Variants in MTHFD2L observed in about 807,000 individuals in gnomAD.
MTHFD2L encodes methylenetetrahydrofolate dehydrogenase (NADP+ dependent) 2 like.
A neutral mutation model predicts 34.9 loss-of-function variants in MTHFD2L; 29 were observed. The ratio of observed to expected loss-of-function variants is 0.83; its 90% CI spans 0.62 to 1.13. MTHFD2L has a LOEUF of 1.13. Ranked by LOEUF, MTHFD2L falls within the 50% of genes most tolerant of loss-of-function variation. The pLI is 0.00. For synonymous variants in MTHFD2L, 167 were observed against 155.7 expected (o/e 1.07, Z -0.54); for missense variants, 481 against 446.5 (o/e 1.08, Z -0.70).
At chr4:74,151,998 T>G (rs1241892436) in intron 1 of MTHFD2L, among the ~76,000 whole-genome samples, 1 of 152,170 alleles carries the variant, frequency 6.6e-6, no homozygotes, top group Non-Finnish European at 1.5e-5. Flanking sequence ...TTTTCCATAT[T>G]TATGTGATAT....
chr4:74,152,268 T>C (rs1173693720), intron 1 of MTHFD2L, among the ~76,000 whole-genome samples: 2 of 152,216 alleles, frequency 1.3e-5, no homozygotes, highest in South Asian at 4.1e-4. Flanking sequence ...TGACTTATCA[T>C]ATTTTGAGGG....
At chr4:74,188,528 G>A (rs867321583) in intron 3 of MTHFD2L, among the ~76,000 whole-genome samples, 27 of 152,122 alleles carry the variant, frequency 1.8e-4, no homozygotes, top group Non-Finnish European at 2.9e-4. Flanking sequence ...ATGAATTTCG[G>A]GGGGACATAA....
intron 5 of MTHFD2L, among the ~76,000 whole-genome samples, chr4:74,217,028 A>G (rs971427320): frequency 6.6e-6 from 1 of 151,808 alleles, no homozygotes; most frequent in Non-Finnish European, 1.5e-5. Flanking sequence ...AAGACCTTAT[A>G]TGATCTGTCC....
upstream of MTHFD2L, among the ~76,000 whole-genome samples, chr4:74,122,389 A>G (rs1198718164): frequency 6.6e-6 from 1 of 152,128 alleles, no homozygotes; most frequent in East Asian, 1.9e-4. Context: ...AGTGCCACAC[A>G]CTTTTACACC....
intron 1 of MTHFD2L, among the ~76,000 whole-genome samples, chr4:74,129,761 C>T (rs185608021): frequency 4.8e-4 from 73 of 151,212 alleles, no homozygotes; most frequent in Non-Finnish European, 9.3e-4. Context: ...GACAGAGACA[C>T]GAAAAACCCT....
chr4:74,138,895 A>C (rs1415198747), intron 1 of MTHFD2L, among the ~76,000 whole-genome samples: 1 of 152,082 alleles, frequency 6.6e-6, no homozygotes, highest in Non-Finnish European at 1.5e-5. Context: ...TATAGATTTG[A>C]CTATTTCTTT....
At chr4:74,206,227 G>A (rs1023126591) in intron 5 of MTHFD2L, among the ~76,000 whole-genome samples, 2 of 152,122 alleles carry the variant, frequency 1.3e-5, no homozygotes, top group African/African-American at 4.8e-5. Flanking sequence ...GGTTTAAAAA[G>A]GGAAAACTTG....
At chr4:74,148,428 C>T (rs1375710595) in intron 1 of MTHFD2L, among the ~76,000 whole-genome samples, 1 of 149,456 alleles carries the variant, frequency 6.7e-6, no homozygotes, top group Non-Finnish European at 1.5e-5. Context: ...TGCTCTGTTG[C>T]CCAGGCTGGA....
At chr4:74,207,569 T>A (rs1021890871) in intron 5 of MTHFD2L, among the ~76,000 whole-genome samples, 17 of 152,318 alleles carry the variant, frequency 1.1e-4, no homozygotes, top group African/African-American at 4.1e-4. Context: ...GATTCATCTT[T>A]GCAGTGGGTG....
chr4:74,175,261 T>C lies in MTHFD2L; in HGVS notation c.329-20T>C. On this transcript the variant is annotated intron_variant, in intron 2 of 7. Coordinates refer to ENST00000325278, the MANE Select transcript of MTHFD2L (RefSeq NM_001144978.3). ...ATATTCAGTTAGTCAAGTGACCTTCTCTACCTGTTTTTCTTCTAGGTATTT... is the reference window on the plus strand; with the variant it reads ...ATATTCAGTTAGTCAAGTGACCTTCCCTACCTGTTTTTCTTCTAGGTATTT... 6.2e-7 allele frequency: 1 copy of C among 1,609,548 alleles called. No homozygotes were observed. Among genetic ancestry groups the C allele is most frequent in the Non-Finnish European group, 8.5e-7 (1 of 1,177,618 alleles).
At chr4:74,272,761 T>C (rs1272113733) in intron 6 of MTHFD2L, among the ~76,000 whole-genome samples, 2 of 152,204 alleles carry the variant, frequency 1.3e-5, no homozygotes, top group Non-Finnish European at 2.9e-5. Context: ...TCTTGTGTTT[T>C]AACTCTTTTA....
rs117785733 is a variant in MTHFD2L at position 74,267,243 on chromosome 4, A to G, written c.806-14182A>G. On this transcript the variant is annotated intron_variant, in intron 6 of 7. Transcript: ENST00000325278. ...CAGTCTCTCCTCATTCCCCAAGTGC[A>G]TTGGTGTCTGTTTGCAGGAAATACA... 9 of 984,878 alleles carry G rather than the reference A, an allele frequency of 9.1e-6. No homozygotes were observed. The East Asian group carries it at 9.1e-4, about 99-fold the overall frequency. 61.0% of individuals were successfully genotyped at this position (984,878 alleles called of 1,614,324 possible).
chr4:74,274,446 G>A (rs1746365457), intron 6 of MTHFD2L, among the ~76,000 whole-genome samples: 1 of 152,126 alleles, frequency 6.6e-6, no homozygotes, highest in Non-Finnish European at 1.5e-5. Context: ...GTAACAGTAG[G>A]AGAGACCAAC....
At chr4:74,203,064 T>A (rs966848974) in intron 5 of MTHFD2L, among the ~76,000 whole-genome samples, 2 of 152,200 alleles carry the variant, frequency 1.3e-5, no homozygotes, top group African/African-American at 4.8e-5. Context: ...TTAACTTATC[T>A]AAAATGATGA....
At chr4:74,177,170 A>T (rs1729212080) in intron 3 of MTHFD2L, among the ~76,000 whole-genome samples, 1 of 151,936 alleles carries the variant, frequency 6.6e-6, no homozygotes. Flanking sequence ...ACTAGAAAAA[A>T]AATTCAACAC....
At chr4:74,140,181 G>A (rs1420334540) in intron 1 of MTHFD2L, among the ~76,000 whole-genome samples, 2 of 151,980 alleles carry the variant, frequency 1.3e-5, no homozygotes, top group African/African-American at 2.4e-5. Context: ...GCACATGCCT[G>A]TAGTCCTAGC....
intron 6 of MTHFD2L, chr4:74,267,640 G>T (rs1745480846): frequency 6.6e-6 from 5 of 761,052 alleles, no homozygotes; most frequent in Non-Finnish European, 8.0e-6. Context: ...TCCCTATGTT[G>T]CCCAGGCTGG....
chr4:74,186,457 A>C lies in MTHFD2L; in HGVS notation c.451+11054A>C, dbSNP rs867923030. ...ATCCATGAAAAAAAAAAAAAAAAAA[A>C]AACAGCTACTAGTACTAATAAGTGA... On this transcript the variant is annotated intron_variant, in intron 3 of 7. Transcript: ENST00000325278. Among the ~76,000 whole-genome samples, 698 of 151,124 alleles carry C rather than the reference A, an allele frequency of 4.6e-3. 9 individuals are homozygous for C. The highest frequency in any genetic ancestry group is 0.016 in the African/African-American group (676 of 41,342).
At chr4:74,171,986 AAAG>A (rs757567440) in intron 1 of MTHFD2L, among the ~76,000 whole-genome samples, 1 of 152,248 alleles carries the variant, frequency 6.6e-6, no homozygotes, top group Non-Finnish European at 1.5e-5. Context: ...CAGCAATAAA[AAAG>A]AAATGAACCA....
Sources: gnomAD v4.1 joint callset for allele counts (sites outside exome capture counted in the v4.1 genomes callset) on GRCh38, gnomAD v4.1.1 for gene constraint, MANE v1.5 for transcripts, NCBI Gene and HGNC (gene_info 2026-07-23, HGNC 2026-07-21) for gene names.